Variants in CCDC73 observed in about 807,000 individuals in gnomAD.
CCDC73 encodes coiled-coil domain containing 73, also known as coiled-coil domain-containing protein 73.
A neutral mutation model predicts 116.5 loss-of-function variants in CCDC73; 95 were observed. That is an observed-to-expected ratio of 0.82 (90% CI 0.69 to 0.97). CCDC73 has a LOEUF of 0.97. CCDC73 is among the 50% of genes least tolerant of loss of function. CCDC73 has a pLI of 0.00. For missense variants in CCDC73, 1,066 were observed against 1,206.8 expected (o/e 0.88, Z 1.73); for synonymous variants, 398 against 401.3 (o/e 0.99, Z 0.10).
At chr11:32,706,400 T>A (rs1471949650) in intron 3 of CCDC73, among the ~76,000 whole-genome samples, 1 of 152,110 alleles carries the variant, frequency 6.6e-6, no homozygotes, top group African/African-American at 2.4e-5. Context: ...AAAAAAAGGC[T>A]TAGAACACAA....
the CCDC73 span, among the ~76,000 whole-genome samples, chr11:32,817,225 G>T: frequency 1.3e-5 from 2 of 152,214 alleles, no homozygotes; most frequent in Non-Finnish European, 2.9e-5. Context: ...TCAACGCAAT[G>T]AACATACATT....
At chr11:32,718,363 GA>G (rs1849963459) in intron 2 of CCDC73, among the ~76,000 whole-genome samples, 1 of 152,168 alleles carries the variant, frequency 6.6e-6, no homozygotes, top group Admixed American at 6.5e-5. Flanking sequence ...GGTGCCTAGA[GA>G]AACAGAACCC....
chr11:32,651,611 T>C (rs1390171761), intron 12 of CCDC73, among the ~76,000 whole-genome samples: 10 of 152,212 alleles, frequency 6.6e-5, no homozygotes, highest in African/African-American at 2.2e-4. Flanking sequence ...TTCAAGCCCC[T>C]AGCACATGCT....
At chr11:32,656,592 C>A (rs918451522) in intron 9 of CCDC73, among the ~76,000 whole-genome samples, 2 of 152,190 alleles carry the variant, frequency 1.3e-5, no homozygotes, top group African/African-American at 4.8e-5. Flanking sequence ...GTGAGTGATA[C>A]CGCAGCAGCA....
chr11:32,668,093 G>A (rs571748811), intron 9 of CCDC73, among the ~76,000 whole-genome samples: 1 of 152,254 alleles, frequency 6.6e-6, no homozygotes, highest in Admixed American at 6.5e-5. Flanking sequence ...CATGCAACCA[G>A]TATTTGAGCA....
At chr11:32,830,058 C>A in the CCDC73 span, 65 of 987,792 alleles carry the variant, frequency 6.6e-5, no homozygotes, top group African/African-American at 1.1e-3. Flanking sequence ...AGAGCGAGGC[C>A]CGGAGCGTCG....
intron 10 of CCDC73, 84 bp from the exon 11 acceptor site, chr11:32,654,121 T>C: frequency 8.0e-7 from 1 of 1,245,338 alleles, no homozygotes; most frequent in Non-Finnish European, 1.1e-6. Flanking sequence ...AATTTTGGAG[T>C]GTTATGACCT....
intron 2 of CCDC73, among the ~76,000 whole-genome samples, chr11:32,751,104 T>C (rs538572084): frequency 6.6e-6 from 1 of 152,274 alleles, no homozygotes; most frequent in South Asian, 2.1e-4. Flanking sequence ...TCTAGAAATG[T>C]TGTCTGGGAG....
the CCDC73 span, among the ~76,000 whole-genome samples, chr11:32,821,239 G>A: frequency 2.6e-5 from 4 of 152,084 alleles, no homozygotes; most frequent in Admixed American, 2.6e-4. Flanking sequence ...TAAGATGTGA[G>A]AGTGGCAACA....
intron 6 of CCDC73, among the ~76,000 whole-genome samples, chr11:32,684,802 G>A (rs1856179020): frequency 1.3e-5 from 2 of 152,034 alleles, no homozygotes; most frequent in African/African-American, 4.8e-5. Flanking sequence ...GGGCAACATG[G>A]TGAAAGTCTG....
At chr11:32,725,324 T>C (rs1445271047) in intron 2 of CCDC73, among the ~76,000 whole-genome samples, 1 of 152,172 alleles carries the variant, frequency 6.6e-6, no homozygotes, top group Non-Finnish European at 1.5e-5. Flanking sequence ...TAACTTCTTA[T>C]ATACGTAATT....
rs138664131 is a variant in CCDC73, at chr11:32,660,957, C to A, written c.646-5985G>T. 2.0e-5 allele frequency among the ~76,000 whole-genome samples: 3 copies of A among 152,114 alleles called. No individual in the cohort carries two copies. The South Asian group carries it at 6.2e-4, about 31-fold the overall frequency. On this transcript the variant is annotated intron_variant, in intron 9 of 17. Coordinates refer to ENST00000335185, the MANE Select transcript of CCDC73 (RefSeq NM_001008391.4). ...TTTTAAAGAAAAGGTGAAGTAATGA[C>A]TTAATATAAACAGAAGAAAAAGAAA...
Position 32,755,599 on chromosome 11 carries a change from A to ATC in CCDC73, c.135+4508_135+4509dup, listed in dbSNP as rs1187742245. ...TCCATATATATGTGTGTATATATAT[A>ATC]TCCATATATATGTGTGTGTATATAT... On this transcript the variant is annotated intron_variant, in intron 2 of 17. Coordinates refer to ENST00000335185, the MANE Select transcript of CCDC73 (RefSeq NM_001008391.4). Among the ~76,000 whole-genome samples the ATC allele has an allele frequency of 1.9e-4, 18 of 96,124 alleles. 2 individuals are homozygous for ATC. Among genetic ancestry groups the ATC allele is most frequent in the Admixed American group, 3.8e-4 (3 of 7,794 alleles). The allele number at this position is 96,124 out of a possible 152,430, so 63.1% of individuals were successfully genotyped here.
the CCDC73 span, among the ~76,000 whole-genome samples, chr11:32,808,201 G>A: frequency 2.6e-5 from 4 of 152,098 alleles, no homozygotes; most frequent in African/African-American, 9.7e-5. Flanking sequence ...ATAGATGTGT[G>A]GGAGAAAAAG....
chr11:32,651,437 G>A (rs1271133998), intron 12 of CCDC73, among the ~76,000 whole-genome samples: 1 of 152,182 alleles, frequency 6.6e-6, no homozygotes, highest in African/African-American at 2.4e-5. Context: ...AAGGTCAACA[G>A]TAGAACACAG....
intron 14 of CCDC73, among the ~76,000 whole-genome samples, chr11:32,632,925 A>T (rs1315900070): frequency 2.0e-5 from 3 of 152,228 alleles, no homozygotes; most frequent in Non-Finnish European, 4.4e-5. Flanking sequence ...AAGCTTAAGC[A>T]GCTAGAAGAA....
chr11:32,778,728 C>T (rs942230478), intron 1 of CCDC73, among the ~76,000 whole-genome samples: 1 of 151,912 alleles, frequency 6.6e-6, no homozygotes, highest in African/African-American at 2.4e-5. Context: ...AGGAGAATTG[C>T]TTGAACCTTG....
intron 1 of CCDC73, among the ~76,000 whole-genome samples, chr11:32,764,107 A>T (rs896152447): frequency 1.3e-5 from 2 of 152,220 alleles, no homozygotes; most frequent in African/African-American, 4.8e-5. Context: ...GAAATATGGG[A>T]CGATGTGAAA....
At chr11:32,824,338 G>A in the CCDC73 span, among the ~76,000 whole-genome samples, 1 of 151,946 alleles carries the variant, frequency 6.6e-6, no homozygotes, top group Non-Finnish European at 1.5e-5. Flanking sequence ...ATGATTGATT[G>A]CCTTTTATAT....
Sources: gnomAD v4.1 joint callset for allele counts (sites outside exome capture counted in the v4.1 genomes callset) on GRCh38, gnomAD v4.1.1 for gene constraint, MANE v1.5 for transcripts, NCBI Gene and HGNC (gene_info 2026-07-23, HGNC 2026-07-21) for gene names.